The following GGA1 variants were observed in gnomAD, a reference collection of about 807,000 sequenced individuals.
GGA1 encodes the protein golgi associated, gamma adaptin ear containing, ARF binding protein 1, also known as ADP-ribosylation factor-binding protein GGA1.
GGA1 carries 18 observed loss-of-function variants against 76.9 expected under a neutral mutation model. That is an observed-to-expected ratio of 0.23 (90% confidence interval 0.16 to 0.35). The LOEUF is 0.35. Among genes scored for constraint, GGA1 ranks in the 10% least tolerant of loss-of-function variants. The pLI, the probability that GGA1 is intolerant of heterozygous loss-of-function variation, is 1.00. For missense variants in GGA1, 755 were observed against 859.0 expected (o/e 0.88, Z 1.51); for synonymous variants, 342 against 354.7 (o/e 0.96, Z 0.40).
At position 37,629,537 on chromosome 22, in the gene GGA1, AC is replaced by A; in HGVS notation, c.1158+13del. ...TGGAACAGCTTCCAGGTAGGAGGGGACCACAAACTAGTCTGGCCTGTCCCAG... is the reference window on the plus strand; with the variant it reads ...TGGAACAGCTTCCAGGTAGGAGGGGACACAAACTAGTCTGGCCTGTCCCAG... On this transcript the variant is annotated intron_variant, in intron 12 of 16. Coordinates refer to ENST00000343632, the MANE Select transcript of GGA1 (RefSeq NM_013365.5). The A allele has an allele frequency of 6.5e-7, 1 of 1,542,920 alleles. No homozygotes were observed. Among genetic ancestry groups the A allele is most frequent in the Non-Finnish European group, 8.8e-7 (1 of 1,138,444 alleles).
In GGA1 at chr22:37,630,098, T is replaced by C; in HGVS notation, c.1259T>C (p.Leu420Pro). ...ACATCCCTGCCAGCAAGCAGCGGTC[T>C]GGACGACCTAGACCTCCTGGGGAAG... ...AQTSLPASSG[L>P]DDLDLLGKTL... Residue 420 changes from leucine to proline, a missense_variant, in exon 13 of 17, where the codon CTG becomes CCG. Coordinates refer to ENST00000343632, the MANE Select transcript of GGA1 (RefSeq NM_013365.5). The C allele has an allele frequency of 6.2e-7, 1 of 1,611,004 alleles. No individual in the cohort carries two copies. Among genetic ancestry groups the C allele is most frequent in the South Asian group, 1.1e-5 (1 of 91,000 alleles).
Position 37,623,911 on chromosome 22 carries a change from T to G in GGA1, c.832+278T>G. On this transcript the variant is annotated intron_variant, in intron 9 of 16. Transcript: ENST00000343632. The surrounding 1 kb of genome is among the most constrained non-coding windows in gnomAD (Gnocchi z 4.6). ...CCCATCCCCTTTTCACAACTGGGGC[T>G]AAGGGAGGAAAATGACTTGCCCAGA... The G allele has an allele frequency of 2.4e-6, 1 of 418,938 alleles. No individual in the cohort carries two copies. Among genetic ancestry groups the G allele is most frequent in the Non-Finnish European group, 4.5e-6 (1 of 224,474 alleles). The allele number at this position is 418,938 out of a possible 1,614,324, so 26.0% of individuals were successfully genotyped here.
intron 11 of GGA1, among the ~76,000 whole-genome samples, chr22:37,627,883 C>T (rs949136949): frequency 1.3e-5 from 2 of 152,202 alleles, no homozygotes; most frequent in African/African-American, 4.8e-5. Flanking sequence ...AGGTTCCTGT[C>T]CCTCAAGGAG....
chr22:37,632,405 G>A lies in GGA1; in HGVS notation c.1699G>A (p.Val567Ile), dbSNP rs770325825. 3 of 1,605,362 alleles carry A rather than the reference G, an allele frequency of 1.9e-6. No homozygotes were observed. The highest frequency in any genetic ancestry group is 2.7e-5 in the African/African-American group (2 of 74,834). ...NIVFQSAVPK[V>I]MKVKLQPPSG... ...TGCCCATCCTGCCATCTGCCCACAG[G>A]TTATGAAGGTGAAGCTGCAGCCACC... Residue 567 changes from valine to isoleucine, a missense_variant and splice_region_variant, in exon 16 of 17, where the codon GTT becomes ATT. Coordinates refer to ENST00000343632, the MANE Select transcript of GGA1 (RefSeq NM_013365.5). The surrounding 1 kb of genome is among the most constrained non-coding windows in gnomAD (Gnocchi z 5.1).
chr22:37,618,168 T>C (rs1426972258), intron 3 of GGA1: 1 of 352,032 alleles, frequency 2.8e-6, no homozygotes, highest in Non-Finnish European at 5.1e-6. Context: ...TAATGTACAG[T>C]TGGTACTCAG....
rs1055637280 is a variant in GGA1, at chr22:37,610,852, C to T, written c.43+1949C>T. Among the ~76,000 whole-genome samples the T allele has an allele frequency of 3.3e-5, 5 of 152,184 alleles. No individual in the cohort carries two copies. In the East Asian group the frequency reaches 9.6e-4, roughly 29 times the overall value. On this transcript the variant is annotated intron_variant, in intron 1 of 16. Transcript: ENST00000343632. ...ATTAAGAGGGCTGAGGGTCAGGGGC[C>T]ATGGGCCAAGGAGGTCAGTCAGATC...
intron 6 of GGA1, among the ~76,000 whole-genome samples, chr22:37,621,399 A>G (rs1929861422): frequency 6.6e-6 from 1 of 152,178 alleles, no homozygotes; most frequent in Non-Finnish European, 1.5e-5. Context: ...TTGATTACTT[A>G]TTTCTGCTAG....
rs768360640 is a variant in GGA1 at position 37,625,961 on chromosome 22, G to C, written c.1093+12G>C. 1.3e-6 allele frequency: 2 copies of C among 1,575,834 alleles called. No individual in the cohort carries two copies. Among genetic ancestry groups the C allele is most frequent in the South Asian group, 2.3e-5 (2 of 88,838 alleles). ...GCTCATGTCTCTGGGTGAGGAAGGG[G>C]CCAGGCCTGGAGGAGGGCGGGCTCA... is the stretch of plus-strand genomic sequence containing the variant. On this transcript the variant is annotated intron_variant, in intron 11 of 16. Coordinates refer to ENST00000343632, the MANE Select transcript of GGA1 (RefSeq NM_013365.5). This position sits in a 1 kb window ranked among gnomAD's most constrained non-coding sequence, Gnocchi z 4.1.
At chr22:37,629,152 G>T (rs1931345679) in intron 11 of GGA1, among the ~76,000 whole-genome samples, 1 of 152,034 alleles carries the variant, frequency 6.6e-6, no homozygotes, top group South Asian at 2.1e-4. Context: ...GCCCAGCCCT[G>T]CAGGCTCTCT....
chr22:37,625,177 C>A lies in GGA1; in HGVS notation c.940+101C>A. 9.3e-7 allele frequency: 1 copy of A among 1,079,780 alleles called. No homozygotes were observed. The highest frequency in any genetic ancestry group is 1.4e-6 in the Non-Finnish European group (1 of 734,122). The allele number at this position is 1,079,780 out of a possible 1,614,324, so 66.9% of individuals were successfully genotyped here. On this transcript the variant is annotated intron_variant, in intron 10 of 16. Coordinates refer to ENST00000343632, the MANE Select transcript of GGA1 (RefSeq NM_013365.5). This position sits in a 1 kb window ranked among gnomAD's most constrained non-coding sequence, Gnocchi z 4.1. ...GTCTCAGAGCGGCTGGAATGACTGCCAGGGTGACCCTGGCCCCTTAAGATG... is the reference window on the plus strand; with the variant it reads ...GTCTCAGAGCGGCTGGAATGACTGCAAGGGTGACCCTGGCCCCTTAAGATG...
intron 12 of GGA1, 143 bp downstream of exon 12, chr22:37,629,669 A>G: frequency 1.7e-6 from 1 of 572,052 alleles, no homozygotes; most frequent in Non-Finnish European, 3.0e-6. Flanking sequence ...GCCTGGAGAC[A>G]CCCACCCAGG....
rs1930285936 is a variant in GGA1 at position 37,623,620 on chromosome 22, T to C, written c.819T>C (p.Asn273=). The C allele has an allele frequency of 8.8e-6, 14 of 1,584,210 alleles. No individual in the cohort carries two copies. The highest frequency in any genetic ancestry group is 1.1e-5 in the Non-Finnish European group (13 of 1,164,938). ...GACTGGCGAGTGACACAGAGGACAATGATGAGGCCTTAGGTGAGCCCAGGG... is the reference window on the plus strand; with the variant it reads ...GACTGGCGAGTGACACAGAGGACAACGATGAGGCCTTAGGTGAGCCCAGGG... ...LFRLASDTED[N]DEALAEILQA... The change falls in exon 9 of 17, where the codon AAT becomes AAC. Residue 273 remains asparagine (N), a synonymous_variant. Coordinates refer to ENST00000343632, the MANE Select transcript of GGA1 (RefSeq NM_013365.5). The surrounding 1 kb of genome is among the most constrained non-coding windows in gnomAD (Gnocchi z 4.6).
rs970342952 is a variant in GGA1 at position 37,609,128 on chromosome 22, C to G, written c.43+225C>G. On this transcript the variant is annotated intron_variant, in intron 1 of 16. Transcript: ENST00000343632. ...GCGGGCGCCGCCCACCTGTCGGATC[C>G]CTGGGCCATGACCCCTGGGACGGCG... is the stretch of plus-strand genomic sequence containing the variant. 95 of 1,479,490 alleles carry G rather than the reference C, an allele frequency of 6.4e-5. 2 individuals carry two copies. The Admixed American group carries it at 6.9e-4, about 11-fold the overall frequency. 91.6% of individuals were successfully genotyped at this position (1,479,490 alleles called of 1,614,324 possible).
At chr22:37,614,356 G>T (rs73420392) in intron 2 of GGA1, 82 bp downstream of exon 2, 1 of 955,654 alleles carries the variant, frequency 1.0e-6, no homozygotes. Flanking sequence ...GGTGGGTGGA[G>T]ACCCGGTTTT....
chr22:37,620,912 A>C lies in GGA1; in HGVS notation c.527A>C (p.Lys176Thr). The change falls in exon 6 of 17, where the codon AAG becomes ACG. Residue 176 changes from lysine to threonine, a missense_variant and splice_region_variant. Coordinates refer to ENST00000343632, the MANE Select transcript of GGA1 (RefSeq NM_013365.5). ...NVIFEDEEKS[K>T]MLARLLKSSH... ...ATCTTTGAAGATGAGGAGAAATCCAAGGTGAGACTCCAAGGAGGCACATAT... is the reference window on the plus strand; with the variant it reads ...ATCTTTGAAGATGAGGAGAAATCCACGGTGAGACTCCAAGGAGGCACATAT... 1 of 1,587,744 alleles carries C rather than the reference A, an allele frequency of 6.3e-7. No individual in the cohort carries two copies. The highest frequency in any genetic ancestry group is 1.3e-5 in the African/African-American group (1 of 74,552).
chr22:37,626,044 A>G (rs1466931262), intron 11 of GGA1, 95 bp downstream of exon 11: 10 of 983,392 alleles, frequency 1.0e-5, no homozygotes, highest in Non-Finnish European at 1.4e-5. Context: ...CACGTACCCC[A>G]GGTGTGGATC....
intron 3 of GGA1, chr22:37,617,869 C>G: frequency 1.7e-6 from 1 of 582,696 alleles, no homozygotes; most frequent in Non-Finnish European, 2.2e-6. Context: ...CGCCTGTAAT[C>G]CCAGCACTTT....
intron 13 of GGA1, chr22:37,630,411 G>C (rs1214563373): frequency 1.9e-6 from 1 of 525,564 alleles, no homozygotes; most frequent in Non-Finnish European, 3.3e-6. Flanking sequence ...GGTCCAGAGG[G>C]CCGGCAGAGG....
chr22:37,625,764 C>G lies in GGA1; in HGVS notation c.941-33C>G. 1 of 1,525,004 alleles carries G rather than the reference C, an allele frequency of 6.6e-7. No homozygotes were observed. Among genetic ancestry groups the G allele is most frequent in the East Asian group, 2.3e-5 (1 of 43,210 alleles). The allele number at this position is 1,525,004 out of a possible 1,614,324, so 94.5% of individuals were successfully genotyped here. A position where few individuals can be genotyped will look rare whatever the true frequency, so the allele number is the denominator to read the frequency against. The stretch of plus-strand genomic sequence containing the variant: ...GGACTCTGAGAGACACGTGTACACC[C>G]AGGACTTGCCAGCCTCTTCTTTCCC... On this transcript the variant is annotated intron_variant, in intron 10 of 16. Transcript: ENST00000343632. The surrounding 1 kb of genome is among the most constrained non-coding windows in gnomAD (Gnocchi z 4.1).
Sources: allele counts gnomAD v4.1 joint callset (sites outside exome capture counted in the v4.1 genomes callset), GRCh38; gene constraint gnomAD v4.1.1; non-coding constraint Gnocchi (gnomAD v3.1); transcripts MANE v1.5; gene names NCBI Gene and HGNC (gene_info 2026-07-23, HGNC 2026-07-21).